Variants in FLT3 observed in about 807,000 individuals in gnomAD.
FLT3 encodes the protein fms related receptor tyrosine kinase 3, also known as receptor-type tyrosine-protein kinase FLT3.
FLT3 carries 46 observed loss-of-function variants against 126.6 expected under a neutral mutation model. That is an observed-to-expected ratio of 0.36 (90% confidence interval 0.29 to 0.46). The LOEUF is 0.46. Ranked by LOEUF, FLT3 falls within the 20% of genes least tolerant of loss-of-function variation. The pLI, the probability that FLT3 is intolerant of heterozygous loss-of-function variation, is 1.00. For synonymous variants in FLT3, 404 were observed against 434.4 expected, an observed-to-expected ratio of 0.93 and a Z score of 0.87; for missense variants, 1,069 against 1,190.3, an observed-to-expected ratio of 0.90 and a Z score of 1.50.
In FLT3 at chr13:28,024,837, C is replaced by T. The variant is rs766285197; in HGVS notation, c.2290+24G>A. The T allele has an allele frequency of 1.4e-5, 20 of 1,413,558 alleles. No individual in the cohort carries two copies. In the South Asian group the frequency reaches 2.2e-4, roughly 16 times the overall value. 87.6% of individuals were successfully genotyped at this position (1,413,558 alleles called of 1,614,324 possible). On this transcript the variant is annotated intron_variant, in intron 18 of 23. Transcript: ENST00000241453. ...TTGCATTCATTTCCATTTTAAAGTG[C>T]TACTACTTAGAATAAAATATTACCT...
intron 3 of FLT3, among the ~76,000 whole-genome samples, chr13:28,060,419 C>T (rs1876433357): frequency 2.4e-5 from 1 of 42,144 alleles, no homozygotes; most frequent in Admixed American, 2.4e-4. Context: ...AAAACTCTGC[C>T]TCAAAAAAAA....
At chr13:28,058,207 T>TAAAAAA (rs57780867) in intron 3 of FLT3, among the ~76,000 whole-genome samples, 33 of 127,654 alleles carry the variant, frequency 2.6e-4, no homozygotes, top group East Asian at 7.3e-4. Flanking sequence ...TTTTAAAAAT[T>TAAAAAA]AAAAAAAAAA....
rs117343789 is a variant in FLT3, at chr13:28,050,301, C to T, written c.615-79G>A. ...GAATGCTCAAGAGGAGAACAAAGTT[C>T]TAGAGCCAGTTTTAAGGGTCAAATG... On this transcript the variant is annotated intron_variant, in intron 5 of 23. Transcript: ENST00000241453. 1.2e-4 allele frequency: 168 copies of T among 1,424,100 alleles called. 3 individuals carry two copies. The East Asian group carries it at 3.0e-3, about 25-fold the overall frequency. The allele number at this position is 1,424,100 out of a possible 1,614,324, so 88.2% of individuals were successfully genotyped here.
intron 2 of FLT3, among the ~76,000 whole-genome samples, chr13:28,068,893 A>G (rs997544808): frequency 3.3e-5 from 5 of 152,158 alleles, no homozygotes; most frequent in Non-Finnish European, 7.3e-5. Flanking sequence ...TACTATTTTC[A>G]GTTCTCCATC....
chr13:28,049,261 A>G (rs903904615), intron 8 of FLT3, 123 bp downstream of exon 8: 47 of 925,962 alleles, frequency 5.1e-5, no homozygotes, highest in Non-Finnish European at 7.6e-5. Context: ...ATTCTAACTC[A>G]GTTTCTTTCT....
At chr13:28,095,048 CT>C (rs1164394940) in intron 1 of FLT3, among the ~76,000 whole-genome samples, 1 of 152,180 alleles carries the variant, frequency 6.6e-6, no homozygotes, top group Non-Finnish European at 1.5e-5. Context: ...GTGGATACAG[CT>C]TTTCTGGAAG....
Position 28,014,539 on chromosome 13 carries a change from G to A in FLT3, c.2772C>T (p.Ser924=), listed in dbSNP as rs775744646. The A allele has an allele frequency of 3.7e-6, 6 of 1,613,086 alleles. No individual in the cohort carries two copies. Among genetic ancestry groups the A allele is most frequent in the Admixed American group, 1.7e-5 (1 of 59,980 alleles). ...GTTTCCTTGAGTCAAAAGCCCAGCA[G>A]GATTGCATTATAATGTATCTGTAAA... The part of the protein sequence containing the change: ...ATEEIYIIMQ[S]CWAFDSRKRP... Residue 924 remains serine (S), a synonymous_variant, in exon 23 of 24, where the codon TCC becomes TCT. Transcript: ENST00000241453.
intron 1 of FLT3, among the ~76,000 whole-genome samples, chr13:28,075,315 T>G (rs546029438): frequency 3.9e-5 from 6 of 152,192 alleles, no homozygotes; most frequent in Admixed American, 3.3e-4. Flanking sequence ...ATGATAAATA[T>G]TCAACGTGAT....
In FLT3 at chr13:28,035,929, T is replaced by A. The variant is rs1282824916; in HGVS notation, c.1418+6A>T. 3.1e-6 allele frequency: 5 copies of A among 1,603,044 alleles called. No individual in the cohort carries two copies. The highest frequency in any genetic ancestry group is 4.3e-6 in the Non-Finnish European group (5 of 1,169,822). On this transcript the variant is annotated splice_donor_region_variant and intron_variant, in intron 11 of 23. Coordinates refer to ENST00000241453, the MANE Select transcript of FLT3 (RefSeq NM_004119.3). ...CCATTATAAGAGGCATCAATGTCCT[T>A]ATTACTTGGGAGACTTGTCTGAACA...
intron 2 of FLT3, among the ~76,000 whole-genome samples, chr13:28,063,799 A>T (rs1281681964): frequency 6.6e-6 from 1 of 152,220 alleles, no homozygotes; most frequent in Non-Finnish European, 1.5e-5. Flanking sequence ...ATAAATAAGT[A>T]AAACACAGGA....
chr13:28,068,516 A>T (rs1175012436), intron 2 of FLT3, among the ~76,000 whole-genome samples: 49 of 151,422 alleles, frequency 3.2e-4, no homozygotes, highest in Non-Finnish European at 1.5e-5. Flanking sequence ...CAAAAAAAAA[A>T]TCTATGATAT....
Position 28,098,783 on chromosome 13 carries a change from T to TAA in FLT3, c.43+1683_43+1684dup, listed in dbSNP as rs56095317. ...CATACCACGGAATGGTACCAGCAAT[T>TAA]AAAAAAAAAAACACTGCTACAGAGA... On this transcript the variant is annotated intron_variant, in intron 1 of 23. Coordinates refer to ENST00000241453, the MANE Select transcript of FLT3 (RefSeq NM_004119.3). Among the ~76,000 whole-genome samples the TAA allele has an allele frequency of 3.1e-3, 455 of 146,958 alleles. 5 individuals are homozygous for TAA. Among genetic ancestry groups the TAA allele is most frequent in the African/African-American group, 0.011 (431 of 40,610 alleles).
At chr13:28,057,235 AAGGGAAACCTGAAT>A in intron 4 of FLT3, 98 bp downstream of exon 4, 3 of 681,678 alleles carry the variant, frequency 4.4e-6, no homozygotes, top group Non-Finnish European at 8.0e-6. Context: ...ACTACGTATC[AAGGGAAACCTGAAT>A]ATGTCTAGAG....
chr13:28,051,792 G>C (rs776121271), intron 5 of FLT3, among the ~76,000 whole-genome samples: 7 of 142,314 alleles, frequency 4.9e-5, no homozygotes, highest in Non-Finnish European at 9.2e-5. Flanking sequence ...GTGATCCGCC[G>C]GTCTTGGCCT....
intron 18 of FLT3, 49 bp downstream of exon 18, chr13:28,024,812 T>C (rs1566064123): frequency 8.3e-7 from 1 of 1,209,544 alleles, no homozygotes; most frequent in Non-Finnish European, 1.2e-6. Context: ...CATAAAACTT[T>C]TGCATTCATT....
intron 23 of FLT3, among the ~76,000 whole-genome samples, chr13:28,013,902 C>T (rs548270769): frequency 6.6e-6 from 1 of 152,150 alleles, no homozygotes; most frequent in Non-Finnish European, 1.5e-5. Context: ...GCACTGAACT[C>T]TTAAGAGCTT....
At chr13:28,051,547 CT>C (rs757834414) in intron 5 of FLT3, among the ~76,000 whole-genome samples, 3,217 of 89,854 alleles carry the variant, frequency 0.036, 91 homozygotes, top group African/African-American at 0.11. Flanking sequence ...TATAATTTCC[CT>C]TTTTTTTTTT....
At chr13:28,019,808 G>A (rs367758834) in intron 19 of FLT3, among the ~76,000 whole-genome samples, 9 of 152,174 alleles carry the variant, frequency 5.9e-5, no homozygotes, top group South Asian at 2.1e-4. Flanking sequence ...GGAACCCTGC[G>A]CATGGTTCAC....
chr13:28,021,184 T>C (rs1404570511), intron 19 of FLT3, among the ~76,000 whole-genome samples: 2 of 151,364 alleles, frequency 1.3e-5, no homozygotes, highest in Non-Finnish European at 2.9e-5. Flanking sequence ...GAGTCAGGAG[T>C]TTGAGACCAG....
Sources: gnomAD v4.1 joint callset for allele counts (sites outside exome capture counted in the v4.1 genomes callset) on GRCh38, gnomAD v4.1.1 for gene constraint, MANE v1.5 for transcripts, NCBI Gene and HGNC (gene_info 2026-07-23, HGNC 2026-07-21) for gene names.